Variants in LIFR observed in about 807,000 individuals in gnomAD.
The protein encoded by LIFR is LIF receptor subunit alpha.
LIFR carries 84 observed loss-of-function variants against 122.2 expected under a neutral mutation model. That is an observed-to-expected ratio of 0.69 (90% CI 0.58 to 0.82). LIFR has a LOEUF of 0.82. Ranked by LOEUF, LIFR falls within the 40% of genes least tolerant of loss-of-function variation. The probability of loss-of-function intolerance (pLI) is 0.00; values close to 1 mark genes in which losing one functional copy is unlikely to be tolerated. For synonymous variants in LIFR, 422 were observed against 434.7 expected (o/e 0.97, Z 0.36); for missense variants, 1,294 against 1,311.6 (o/e 0.99, Z 0.21).
chr5:38,554,673 A>C (rs1224069296), intron 1 of LIFR, among the ~76,000 whole-genome samples: 2 of 152,174 alleles, frequency 1.3e-5, no homozygotes, highest in Non-Finnish European at 2.9e-5. Flanking sequence ...AACAAAAAGA[A>C]CACGTACAGA....
chr5:38,523,758 T>C (rs1746529963), intron 4 of LIFR, among the ~76,000 whole-genome samples, 176 bp from the exon 5 acceptor site: 2 of 152,222 alleles, frequency 1.3e-5, no homozygotes, highest in South Asian at 4.1e-4. Context: ...TGAGATGCCA[T>C]ATATGGAAAA....
In LIFR at chr5:38,548,307, G is replaced by A. The variant is rs565963888; in HGVS notation, c.-20+8027C>T. Among the ~76,000 whole-genome samples the A allele has an allele frequency of 7.6e-4, 115 of 152,260 alleles. 1 individual carries two copies. In the South Asian group the frequency reaches 0.023, roughly 30 times the overall value. ...CACTAAATCATTCATGAATGTCAAC[G>A]AAGTGAAATAACCTAGTATGTTCCT... On this transcript the variant is annotated intron_variant, in intron 1 of 19. Transcript: ENST00000453190.
intron 1 of LIFR, among the ~76,000 whole-genome samples, chr5:38,547,826 T>C (rs892274943): frequency 6.6e-6 from 1 of 152,186 alleles, no homozygotes; most frequent in African/African-American, 2.4e-5. Flanking sequence ...CTAGGCTATA[T>C]GGTATAATAG....
At chr5:38,601,008 A>G (rs1330787101) in intron 2 of LIFR, among the ~76,000 whole-genome samples, 1 of 152,222 alleles carries the variant, frequency 6.6e-6, no homozygotes, top group Non-Finnish European at 1.5e-5. Flanking sequence ...GAGGGGTGTT[A>G]TGGACTGAAT....
At position 38,479,835 on chromosome 5, in the gene LIFR, C is replaced by T. The variant is rs1743895005; in HGVS notation, c.*1760G>A. 8.8e-6 allele frequency: 2 copies of T among 228,328 alleles called. No homozygotes were observed. The highest frequency in any genetic ancestry group is 1.7e-5 in the Non-Finnish European group (2 of 114,972). 14.1% of individuals were successfully genotyped at this position (228,328 alleles called of 1,614,324 possible). A position where few individuals can be genotyped will look rare whatever the true frequency, so the allele number is the denominator to read the frequency against. On this transcript the variant is annotated 3_prime_UTR_variant, in exon 20 of 20. Coordinates refer to ENST00000453190, the MANE Select transcript of LIFR (RefSeq NM_001127671.2). ...CTCTGATTGGATATATTTTTCATTACTGAACATTTCTATGAACTATTATAT... is the reference window on the plus strand; with the variant it reads ...CTCTGATTGGATATATTTTTCATTATTGAACATTTCTATGAACTATTATAT...
intron 14 of LIFR, 52 bp downstream of exon 14, chr5:38,493,554 C>G: frequency 6.5e-7 from 1 of 1,535,980 alleles, no homozygotes; most frequent in Non-Finnish European, 9.0e-7. Context: ...TTACGTGTTG[C>G]CTTTTAAAAA....
At chr5:38,564,903 A>G (rs984502658) in intron 1 of LIFR, among the ~76,000 whole-genome samples, 1 of 151,830 alleles carries the variant, frequency 6.6e-6, no homozygotes, top group African/African-American at 2.4e-5. Context: ...CCTGCCGAGT[A>G]GCTGGGATTA....
chr5:38,501,325 A>G (rs1219805892), intron 11 of LIFR, among the ~76,000 whole-genome samples: 1 of 152,200 alleles, frequency 6.6e-6, no homozygotes, highest in East Asian at 1.9e-4. Context: ...ACATGTCTTC[A>G]TGTGGAGAGG....
intron 4 of LIFR, among the ~76,000 whole-genome samples, chr5:38,526,457 A>ATG (rs1403624273): frequency 6.6e-6 from 1 of 151,582 alleles, no homozygotes; most frequent in Non-Finnish European, 1.5e-5. Context: ...ATATATATAT[A>ATG]AAATCTTGTT....
At chr5:38,490,143 T>C in intron 15 of LIFR, 47 bp downstream of exon 15, 1 of 769,356 alleles carries the variant, frequency 1.3e-6, no homozygotes, top group Non-Finnish European at 2.2e-6. Context: ...ATTTATAATT[T>C]CTCATGTTGC....
chr5:38,500,459 T>A (rs1419054768), intron 11 of LIFR, among the ~76,000 whole-genome samples: 1 of 152,256 alleles, frequency 6.6e-6, no homozygotes, highest in Admixed American at 6.5e-5. Flanking sequence ...ATGTTTCACA[T>A]ACACCTTATA....
chr5:38,515,086 T>A (rs554779212), intron 5 of LIFR, among the ~76,000 whole-genome samples: 1 of 152,314 alleles, frequency 6.6e-6, no homozygotes, highest in East Asian at 1.9e-4. Context: ...TGGAGATCCC[T>A]TGGACCACAG....
At chr5:38,493,096 G>A (rs1315669526) in intron 14 of LIFR, among the ~76,000 whole-genome samples, 1 of 152,130 alleles carries the variant, frequency 6.6e-6, no homozygotes, top group Non-Finnish European at 1.5e-5. Flanking sequence ...CCTGCATCAG[G>A]GTTAAGTGGT....
intron 11 of LIFR, among the ~76,000 whole-genome samples, chr5:38,500,354 T>G (rs1040074384): frequency 2.0e-5 from 3 of 152,162 alleles, no homozygotes; most frequent in African/African-American, 7.2e-5. Flanking sequence ...AGCAAAAGTG[T>G]TTCAGATTTT....
intron 17 of LIFR, among the ~76,000 whole-genome samples, chr5:38,485,324 A>T (rs1163991001): frequency 6.6e-6 from 1 of 152,200 alleles, no homozygotes; most frequent in Non-Finnish European, 1.5e-5. Flanking sequence ...TCTTTATATA[A>T]GAGCTGTGTG....
chr5:38,530,465 A>C (rs1746942423), intron 2 of LIFR, 41 bp downstream of exon 2: 6 of 1,571,878 alleles, frequency 3.8e-6, no homozygotes, highest in Non-Finnish European at 5.3e-6. Flanking sequence ...ATGGAAATAA[A>C]ACTGCAATCT....
rs1746839633 is a variant in LIFR, at chr5:38,528,849, G to GACAGAC, written c.143-10_143-9insGTCTGT. The GACAGAC allele has an allele frequency of 1.2e-6, 1 of 823,758 alleles. No individual in the cohort carries two copies. Among genetic ancestry groups the GACAGAC allele is most frequent in the Non-Finnish European group, 1.9e-6 (1 of 527,434 alleles). 51.0% of individuals were successfully genotyped at this position (823,758 alleles called of 1,614,324 possible). On this transcript the variant is annotated splice_polypyrimidine_tract_variant and intron_variant, in intron 2 of 19. Coordinates refer to ENST00000453190, the MANE Select transcript of LIFR (RefSeq NM_001127671.2). ...CAAATCATGAGGAGCCCCTGGAGGA[G>GACAGAC]ACACACACACACACACACACACACA...
chr5:38,547,567 C>G (rs952949053), intron 1 of LIFR, among the ~76,000 whole-genome samples: 2 of 151,902 alleles, frequency 1.3e-5, no homozygotes, highest in African/African-American at 2.4e-5. Flanking sequence ...TTCACGACTA[C>G]TGAGGGTCTA....
chr5:38,484,718 A>C (rs997235590), intron 18 of LIFR, 57 bp downstream of exon 18: 25 of 1,128,404 alleles, frequency 2.2e-5, no homozygotes, highest in Non-Finnish European at 3.4e-5. Context: ...TAATCTTACA[A>C]ATCTTATAAT....
Sources: allele counts gnomAD v4.1 joint callset (sites outside exome capture counted in the v4.1 genomes callset), GRCh38; gene constraint gnomAD v4.1.1; transcripts MANE v1.5; gene names NCBI Gene and HGNC (gene_info 2026-07-23, HGNC 2026-07-21).